The following WDR41 variants were observed in gnomAD, a reference collection of about 807,000 sequenced individuals.
WDR41 encodes the protein WD repeat-containing protein 41.
WDR41 carries 63 observed loss-of-function variants against 69.3 expected under a neutral mutation model. That is an observed-to-expected ratio of 0.91 (90% CI 0.74 to 1.12). The LOEUF (loss-of-function observed/expected upper bound fraction) is 1.12. Among genes scored for constraint, WDR41 ranks in the 50% most tolerant of loss-of-function variants. The pLI is 0.00. For synonymous variants in WDR41, 185 were observed against 192.1 expected, an observed-to-expected ratio of 0.96 and a Z score of 0.31; for missense variants, 543 against 534.5, an observed-to-expected ratio of 1.02 and a Z score of -0.16.
intron 9 of WDR41, 31 bp from the exon 10 acceptor site, chr5:77,438,392 A>C: frequency 6.2e-7 from 1 of 1,612,084 alleles, no homozygotes; most frequent in Non-Finnish European, 8.5e-7. Flanking sequence ...ATGGGCATAA[A>C]ACTAGCACTC....
intron 1 of WDR41, among the ~76,000 whole-genome samples, chr5:77,575,839 A>G (rs1052987225): frequency 6.6e-6 from 1 of 152,172 alleles, no homozygotes; most frequent in Non-Finnish European, 1.5e-5. Context: ...AGCAAGATTT[A>G]TTTTCTGCAC....
chr5:77,522,501 G>A (rs543604745), intron 1 of WDR41, among the ~76,000 whole-genome samples: 6 of 152,138 alleles, frequency 3.9e-5, no homozygotes, highest in Admixed American at 1.3e-4. Flanking sequence ...TTAGCCAGTC[G>A]TGGTGGCGCT....
intron 5 of WDR41, among the ~76,000 whole-genome samples, chr5:77,454,241 G>A (rs1799740981): frequency 6.6e-6 from 1 of 152,164 alleles, no homozygotes; most frequent in Non-Finnish European, 1.5e-5. Flanking sequence ...GTAGCAAAGA[G>A]CTGAGGCTTC....
In WDR41 at chr5:77,518,886, A is replaced by C. The variant is rs190821852; in HGVS notation, c.43-29314T>G. Among the ~76,000 whole-genome samples, 162 of 152,106 alleles carry C rather than the reference A, an allele frequency of 1.1e-3. 1 individual carries two copies. Among genetic ancestry groups the C allele is most frequent in the African/African-American group, 3.7e-3 (154 of 41,562 alleles). On this transcript the variant is annotated intron_variant, in intron 1 of 5. Coordinates refer to the WDR41 transcript ENST00000509971. Reference sequence around the variant, plus strand: ...GAATAATCTCAGTGAGAAGTAGTTTATTTGCAATTGTTACTAATTTTCTTT... The same window carrying C: ...GAATAATCTCAGTGAGAAGTAGTTTCTTTGCAATTGTTACTAATTTTCTTT...
intron 1 of WDR41, among the ~76,000 whole-genome samples, chr5:77,534,226 G>T (rs1009595349): frequency 1.3e-5 from 2 of 151,840 alleles, no homozygotes; most frequent in Non-Finnish European, 2.9e-5. Context: ...TATTCTTTAT[G>T]GATCAGAATC....
At chr5:77,508,853 G>C (rs1387718600) in intron 1 of WDR41, among the ~76,000 whole-genome samples, 3 of 152,114 alleles carry the variant, frequency 2.0e-5, no homozygotes, top group African/African-American at 7.2e-5. Flanking sequence ...CTTAGGCATG[G>C]GACAGTCACC....
intron 5 of WDR41, among the ~76,000 whole-genome samples, chr5:77,455,945 T>C (rs1057268250): frequency 8.0e-5 from 12 of 150,432 alleles, no homozygotes; most frequent in Non-Finnish European, 1.3e-4. Flanking sequence ...TGCACTCCCA[T>C]ATGAATTTTA....
At chr5:77,571,056 C>T (rs1176627201) in intron 1 of WDR41, among the ~76,000 whole-genome samples, 1 of 151,898 alleles carries the variant, frequency 6.6e-6, no homozygotes, top group African/African-American at 2.4e-5. Flanking sequence ...GACTGATGAA[C>T]AGCACACACA....
chr5:77,502,178 G>C (rs1464379422), intron 1 of WDR41, among the ~76,000 whole-genome samples: 1 of 152,154 alleles, frequency 6.6e-6, no homozygotes, highest in Admixed American at 6.5e-5. Flanking sequence ...GATCTTAAAT[G>C]ACCTGATGGA....
intron 2 of WDR41, among the ~76,000 whole-genome samples, chr5:77,486,284 T>C (rs1369545041): frequency 6.6e-6 from 1 of 152,220 alleles, no homozygotes; most frequent in Non-Finnish European, 1.5e-5. Flanking sequence ...GTTGATTATA[T>C]GTAAATTTGA....
rs369381942 is a variant in WDR41 at position 77,436,266 on chromosome 5, C to G, written c.1222G>C (p.Val408Leu). The change falls in exon 12 of 13, where the codon GTG (valine) becomes CTG (leucine). Residue 408 changes from valine to leucine, a missense_variant. Coordinates refer to ENST00000296679, the MANE Select transcript of WDR41 (RefSeq NM_018268.4). ...IGDLIGHSSS[V>L]EMFLYFEDHG... is the part of the protein sequence containing the mutation. Reference sequence around the variant, plus strand: ...CTGTGGCTAAACAGCAATACCTCCACAGATGATGAGTGTCCAATCAAATCT... The same window carrying G: ...CTGTGGCTAAACAGCAATACCTCCAGAGATGATGAGTGTCCAATCAAATCT... 6 of 1,612,660 alleles carry G rather than the reference C, an allele frequency of 3.7e-6. No homozygotes were observed. The African/African-American group carries it at 5.3e-5, about 14-fold the overall frequency.
intron 5 of WDR41, 63 bp downstream of exon 5, chr5:77,458,999 A>C: frequency 8.1e-7 from 1 of 1,238,000 alleles, no homozygotes; most frequent in South Asian, 1.3e-5. Flanking sequence ...CTAACTCTTT[A>C]AACCATGTCT....
intron 1 of WDR41, among the ~76,000 whole-genome samples, chr5:77,569,101 A>G (rs1349702942): frequency 6.6e-6 from 1 of 152,146 alleles, no homozygotes; most frequent in Non-Finnish European, 1.5e-5. Flanking sequence ...TTTAACATTA[A>G]AAGTCCTGTG....
At chr5:77,517,912 T>C (rs1320125852) in intron 1 of WDR41, among the ~76,000 whole-genome samples, 1 of 152,122 alleles carries the variant, frequency 6.6e-6, no homozygotes, top group Non-Finnish European at 1.5e-5. Context: ...TTTCATCTCA[T>C]GTGTATTGTG....
intron 1 of WDR41, among the ~76,000 whole-genome samples, chr5:77,498,939 AAC>A (rs1378045799): frequency 2.0e-5 from 3 of 152,234 alleles, no homozygotes; most frequent in Non-Finnish European, 2.9e-5. Context: ...CATCAAAATT[AAC>A]ACTTCTGTTC....
intron 12 of WDR41, among the ~76,000 whole-genome samples, chr5:77,434,673 G>A (rs1260850713): frequency 1.3e-5 from 2 of 152,026 alleles, no homozygotes; most frequent in Non-Finnish European, 2.9e-5. Flanking sequence ...CTCCAGCCTG[G>A]GCAACAGAGT....
intron 1 of WDR41, among the ~76,000 whole-genome samples, chr5:77,589,281 T>C (rs1270008899): frequency 1.3e-5 from 2 of 152,150 alleles, no homozygotes; most frequent in East Asian, 1.9e-4. Flanking sequence ...TTTACTATGG[T>C]TTTTTAACTT....
chr5:77,584,554 C>T (rs533887658), intron 1 of WDR41, among the ~76,000 whole-genome samples: 2 of 152,148 alleles, frequency 1.3e-5, no homozygotes, highest in Non-Finnish European at 2.9e-5. Flanking sequence ...AAGACAAAGA[C>T]TTGAAACTGA....
intron 1 of WDR41, among the ~76,000 whole-genome samples, chr5:77,587,670 T>G (rs1359859430): frequency 6.6e-6 from 1 of 152,234 alleles, no homozygotes; most frequent in East Asian, 1.9e-4. Flanking sequence ...TAATCCCCAG[T>G]ACCTCAGAAT....
Sources: gnomAD v4.1 joint callset for allele counts (sites outside exome capture counted in the v4.1 genomes callset) on GRCh38, gnomAD v4.1.1 for gene constraint, MANE v1.5 for transcripts, NCBI Gene and HGNC (gene_info 2026-07-23, HGNC 2026-07-21) for gene names.